XCR1: variants seen among roughly 807,000 people sequenced by gnomAD.
The protein encoded by XCR1 is chemokine XC receptor 1.
For synonymous variants in XCR1, 187 were observed against 188.5 expected (o/e 0.99, Z 0.06); for missense variants, 356 against 424.2 (o/e 0.84, Z 1.41).
intron 5 of XCR1, among the ~76,000 whole-genome samples, chr3:46,037,461 G>A (rs1697450149): frequency 1.3e-5 from 2 of 152,028 alleles, no homozygotes; most frequent in Non-Finnish European, 2.9e-5. Context: ...GAAAGATCTT[G>A]TATGGTGAAT....
At chr3:46,032,453 A>C (rs1708415374), upstream of XCR1, among the ~76,000 whole-genome samples, 1 of 152,078 alleles carries the variant, frequency 6.6e-6, no homozygotes, top group African/African-American at 2.4e-5. Flanking sequence ...GCAATGCTGG[A>C]CCCCACACTT....
In XCR1 at chr3:46,020,792, A is replaced by G. The variant is rs969662895; in HGVS notation, c.*154T>C. On this transcript the variant is annotated 3_prime_UTR_variant, in exon 2 of 2. Coordinates refer to ENST00000309285, the MANE Select transcript of XCR1 (RefSeq NM_001024644.2). ...CGCAGATGAGAGGCTGGCGGGACCC[A>G]CTGGTGTAATGAATGACCTTCACTG... The G allele has an allele frequency of 8.4e-6, 9 of 1,066,088 alleles. No individual in the cohort carries two copies. In the African/African-American group the frequency reaches 1.3e-4, roughly 15 times the overall value. 66.0% of individuals were successfully genotyped at this position (1,066,088 alleles called of 1,614,324 possible). A position where few individuals can be genotyped will look rare whatever the true frequency, so the allele number is the denominator to read the frequency against.
intron 4 of XCR1, among the ~76,000 whole-genome samples, chr3:46,061,048 G>A (rs1697952239): frequency 6.6e-6 from 1 of 152,160 alleles, no homozygotes; most frequent in Non-Finnish European, 1.5e-5. Flanking sequence ...GTCCACAGAT[G>A]GTATTATTAC....
intron 5 of XCR1, among the ~76,000 whole-genome samples, chr3:46,038,038 T>TTTTTG (rs1553632511): frequency 2.0e-5 from 3 of 150,180 alleles, no homozygotes; most frequent in African/African-American, 7.5e-5. Context: ...TTGTTTTTTT[T>TTTTTG]TTTTTTTGAG....
intron 5 of XCR1, among the ~76,000 whole-genome samples, chr3:46,035,983 G>A (rs1041388078): frequency 7.9e-5 from 12 of 152,066 alleles, no homozygotes; most frequent in Admixed American, 1.3e-4. Flanking sequence ...GAAGGACCCC[G>A]GCTGTTTCAA....
intron 5 of XCR1, among the ~76,000 whole-genome samples, chr3:46,043,034 T>G (rs1697563248): frequency 6.6e-6 from 1 of 152,154 alleles, no homozygotes; most frequent in African/African-American, 2.4e-5. Flanking sequence ...AAATCAATAA[T>G]GTAATGCATC....
At chr3:46,045,397 AAAAG>A (rs1227648159) in intron 5 of XCR1, among the ~76,000 whole-genome samples, 4 of 152,160 alleles carry the variant, frequency 2.6e-5, no homozygotes, top group South Asian at 2.1e-4. Flanking sequence ...GGGAAAAAAA[AAAAG>A]AAAGAATTAA....
chr3:46,045,161 C>T (rs1384797625), intron 5 of XCR1, among the ~76,000 whole-genome samples: 1 of 152,130 alleles, frequency 6.6e-6, no homozygotes, highest in East Asian at 1.9e-4. Flanking sequence ...TGGCCCACAC[C>T]TGTAATCCCA....
intron 4 of XCR1, among the ~76,000 whole-genome samples, chr3:46,062,550 G>T (rs934888323): frequency 6.6e-6 from 1 of 152,198 alleles, no homozygotes; most frequent in African/African-American, 2.4e-5. Context: ...ATAGGTGCTG[G>T]ATCTGCATCT....
At chr3:46,084,252 C>T (rs1698431389) in intron 1 of XCR1, among the ~76,000 whole-genome samples, 1 of 152,180 alleles carries the variant, frequency 6.6e-6, no homozygotes, top group Admixed American at 6.5e-5. Context: ...AAGGGACAAG[C>T]TGGCACTCAG....
At chr3:46,083,469 G>A (rs1027042067) in intron 1 of XCR1, among the ~76,000 whole-genome samples, 8 of 152,246 alleles carry the variant, frequency 5.3e-5, no homozygotes, top group Non-Finnish European at 1.0e-4. Flanking sequence ...CATGACTGCA[G>A]ATCTACCTTA....
chr3:46,044,453 T>A (rs79244570), intron 5 of XCR1, among the ~76,000 whole-genome samples: 84 of 152,286 alleles, frequency 5.5e-4, no homozygotes, highest in African/African-American at 1.5e-3. Flanking sequence ...GTTGTAGCAG[T>A]TTTTTTAATA....
chr3:46,058,419 T>C (rs770618159), intron 4 of XCR1, among the ~76,000 whole-genome samples: 4 of 152,210 alleles, frequency 2.6e-5, no homozygotes, highest in Non-Finnish European at 5.9e-5. Flanking sequence ...AAAGCTTCTA[T>C]GTCTGTCCTT....
At chr3:46,058,971 A>G (rs745484360) in intron 4 of XCR1, among the ~76,000 whole-genome samples, 13 of 152,188 alleles carry the variant, frequency 8.5e-5, no homozygotes, top group Non-Finnish European at 1.5e-4. Flanking sequence ...GGGTCATTAC[A>G]TCCCTAAATA....
intron 4 of XCR1, among the ~76,000 whole-genome samples, chr3:46,063,931 G>A (rs1048927967): frequency 2.6e-5 from 4 of 152,140 alleles, no homozygotes; most frequent in African/African-American, 9.7e-5. Context: ...GTGCAGAGGT[G>A]CAATTATGGC....
chr3:46,020,915 C>T lies in XCR1; in HGVS notation c.*31G>A, dbSNP rs2125892369. The T allele has an allele frequency of 1.9e-6, 3 of 1,594,676 alleles. No homozygotes were observed. Among genetic ancestry groups the T allele is most frequent in the African/African-American group, 1.3e-5 (1 of 74,628 alleles). ...GACCCCCATTCCAGTCCCTGTCCAC[C>T]TGCACCTGCGCCTGCACCGCCACAG... On this transcript the variant is annotated 3_prime_UTR_variant, in exon 2 of 2. Coordinates refer to ENST00000309285, the MANE Select transcript of XCR1 (RefSeq NM_001024644.2).
chr3:46,022,007 G>A (rs1708167050), intron 1 of XCR1, 29 bp from the exon 2 acceptor site: 2 of 1,536,206 alleles, frequency 1.3e-6, no homozygotes, highest in Non-Finnish European at 1.8e-6. Context: ...GGAGTTTAAA[G>A]CCATGTGGTG....
At chr3:46,081,492 C>G (rs192572641) in intron 1 of XCR1, among the ~76,000 whole-genome samples, 32 of 152,278 alleles carry the variant, frequency 2.1e-4, no homozygotes, top group African/African-American at 7.0e-4. Context: ...CAAAATTAAT[C>G]AAGAGTTCCT....
rs750935046 is a variant in XCR1, at chr3:46,021,518, G to C, written c.430C>G (p.Arg144Gly). The change falls in exon 2 of 2, where the codon CGC becomes GGC. Residue 144 changes from arginine (R) to glycine (G), a missense_variant. By Grantham distance (125) the Arg-to-Gly change is moderately radical. Coordinates refer to ENST00000309285, the MANE Select transcript of XCR1 (RefSeq NM_001024644.2). This position sits in a 1 kb window ranked among gnomAD's most constrained non-coding sequence, Gnocchi z 4.7. ...PLSTLRVPTL[R>G]CRVLVTMAVW... ...GCCATGGTCACCAGCACCCGGCAGC[G>C]GAGGGTGGGGACGCGCAGGGTGGAG... 1.9e-6 allele frequency: 3 copies of C among 1,612,346 alleles called. No individual in the cohort carries two copies. The highest frequency in any genetic ancestry group is 2.5e-6 in the Non-Finnish European group (3 of 1,179,084).
Sources: allele counts gnomAD v4.1 joint callset (sites outside exome capture counted in the v4.1 genomes callset), GRCh38; gene constraint gnomAD v4.1.1; non-coding constraint Gnocchi (gnomAD v3.1); transcripts MANE v1.5; gene names NCBI Gene and HGNC (gene_info 2026-07-23, HGNC 2026-07-21).